The following MCF2L variants were observed in gnomAD, a reference collection of about 807,000 sequenced individuals.
The protein encoded by MCF2L is MCF.2 cell line derived transforming sequence like, also known as guanine nucleotide exchange factor DBS.
A neutral mutation model predicts 153.4 loss-of-function variants in MCF2L; 97 were observed. The observed-to-expected ratio is 0.63, with a 90% CI of 0.54 to 0.75. The LOEUF (loss-of-function observed/expected upper bound fraction) is 0.75. Ranked by LOEUF, MCF2L falls within the 30% of genes least tolerant of loss-of-function variation. MCF2L has a pLI of 0.00. For synonymous variants in MCF2L, 659 were observed against 632.2 expected, an observed-to-expected ratio of 1.04 and a Z score of -0.64; for missense variants, 1,347 against 1,495.2, an observed-to-expected ratio of 0.90 and a Z score of 1.64.
intron 9 of MCF2L, among the ~76,000 whole-genome samples, chr13:113,073,831 C>G (rs987106333): frequency 6.6e-6 from 1 of 152,028 alleles, no homozygotes; most frequent in Non-Finnish European, 1.5e-5. Flanking sequence ...AGGAAAATCA[C>G]TTGAACCAGA....
At chr13:113,065,986 C>T in intron 7 of MCF2L, 60 bp from the exon 8 acceptor site, 2 of 1,566,538 alleles carry the variant, frequency 1.3e-6, no homozygotes, top group Admixed American at 1.8e-5. Context: ...GAGGCCTCAC[C>T]ACCAGCCTGC....
intron 21 of MCF2L, 70 bp downstream of exon 21, chr13:113,086,319 C>T: frequency 1.3e-6 from 2 of 1,583,710 alleles, no homozygotes; most frequent in East Asian, 2.3e-5. Flanking sequence ...ACTTGGCGGC[C>T]TCCCTGCACA....
At chr13:113,037,578 A>G (rs372593107) in intron 3 of MCF2L, among the ~76,000 whole-genome samples, 2 of 152,222 alleles carry the variant, frequency 1.3e-5, no homozygotes, top group Non-Finnish European at 2.9e-5. Flanking sequence ...GCTCTAATAG[A>G]GTATCTTGTA....
At chr13:112,947,553 A>G (rs1323877779) in intron 2 of MCF2L, among the ~76,000 whole-genome samples, 1 of 152,238 alleles carries the variant, frequency 6.6e-6, no homozygotes, top group Non-Finnish European at 1.5e-5. Flanking sequence ...AAAAATAGGC[A>G]AGAGGGAGTA....
At chr13:112,977,995 A>G (rs2082271748) in intron 1 of MCF2L, among the ~76,000 whole-genome samples, 1 of 152,168 alleles carries the variant, frequency 6.6e-6, no homozygotes, top group Non-Finnish European at 1.5e-5. Context: ...AATTGCCTGA[A>G]CCCAGGAGGT....
At chr13:113,059,351 A>T (rs933123225) in intron 4 of MCF2L, among the ~76,000 whole-genome samples, 1 of 152,088 alleles carries the variant, frequency 6.6e-6, no homozygotes, top group Admixed American at 6.5e-5. Context: ...TGAACATTGG[A>T]GTGTGGCTGG....
At chr13:113,059,891 G>C (rs925846974) in intron 4 of MCF2L, among the ~76,000 whole-genome samples, 1 of 152,262 alleles carries the variant, frequency 6.6e-6, no homozygotes, top group African/African-American at 2.4e-5. Flanking sequence ...ACACACATGT[G>C]TCTATGTTGC....
intron 3 of MCF2L, among the ~76,000 whole-genome samples, chr13:113,029,617 G>A (rs2085519457): frequency 6.6e-6 from 1 of 152,208 alleles, no homozygotes; most frequent in Non-Finnish European, 1.5e-5. Context: ...GTGTCCCCGG[G>A]AAGTACCCTC....
At chr13:112,958,905 C>G (rs559187408) in intron 2 of MCF2L, among the ~76,000 whole-genome samples, 65 of 152,258 alleles carry the variant, frequency 4.3e-4, no homozygotes, top group African/African-American at 1.5e-3. Flanking sequence ...GCCGTGAACA[C>G]AGAAGCTGCC....
At chr13:112,956,070 G>A (rs2081753364) in intron 2 of MCF2L, 2 of 152,242 alleles carry the variant, frequency 1.3e-5, no homozygotes, top group African/African-American at 4.8e-5. Context: ...GAGCCAAAAT[G>A]GCAAACTGTG....
At position 113,071,769 on chromosome 13, in the gene MCF2L, A is replaced by G. The variant is rs1195259552; in HGVS notation, c.996+1596A>G. 2.0e-5 allele frequency among the ~76,000 whole-genome samples: 3 copies of G among 152,218 alleles called. No homozygotes were observed. In the East Asian group the frequency reaches 5.8e-4, roughly 29 times the overall value. ...TGTACCACAAGGTCTTAATTGCTGC[A>G]ACTATATAATGTCTTGAAATCAAGT... On this transcript the variant is annotated intron_variant, in intron 9 of 29. Coordinates refer to ENST00000535094, the MANE Select transcript of MCF2L (RefSeq NM_001112732.3).
Position 112,969,331 on chromosome 13 carries a change from C to T in MCF2L, c.-49C>T, listed in dbSNP as rs949839828. On this transcript the variant is annotated 5_prime_UTR_variant, in exon 1 of 30. Transcript: ENST00000535094. This position sits in a 1 kb window ranked among gnomAD's most constrained non-coding sequence, Gnocchi z 4.8. ...GCACGGCCCCACCCGCAGGCGCCCC[C>T]CGTGCGGAGGAAGCGGATCTGCCAG... 26 of 1,547,100 alleles carry T rather than the reference C, an allele frequency of 1.7e-5. No homozygotes were observed. Among genetic ancestry groups the T allele is most frequent in the Middle Eastern group, 3.4e-4 (2 of 5,938 alleles).
chr13:112,946,101 A>T (rs2081634669), intron 2 of MCF2L, among the ~76,000 whole-genome samples: 1 of 152,190 alleles, frequency 6.6e-6, no homozygotes, highest in Non-Finnish European at 1.5e-5. Context: ...TTGAAATTCT[A>T]GAGCTTTTGA....
chr13:113,032,121 C>T (rs1282169050), intron 3 of MCF2L, among the ~76,000 whole-genome samples: 1 of 152,118 alleles, frequency 6.6e-6, no homozygotes, highest in African/African-American at 2.4e-5. Context: ...GGAGAGTCCT[C>T]CTATCTCACT....
At chr13:113,020,312 G>A (rs1217434472) in intron 2 of MCF2L, among the ~76,000 whole-genome samples, 6 of 152,198 alleles carry the variant, frequency 3.9e-5, no homozygotes, top group Admixed American at 1.3e-4. Context: ...GATGCATCAC[G>A]TCCGTGGAGA....
intron 1 of MCF2L, among the ~76,000 whole-genome samples, chr13:112,998,457 C>T (rs1343387781): frequency 1.3e-5 from 2 of 152,112 alleles, no homozygotes; most frequent in Non-Finnish European, 2.9e-5. Flanking sequence ...GGAGGCCTCA[C>T]CAAGGAGGCT....
At chr13:112,953,994 C>T (rs1231471382) in intron 2 of MCF2L, among the ~76,000 whole-genome samples, 1 of 152,220 alleles carries the variant, frequency 6.6e-6, no homozygotes. Context: ...GCTCTGAGAA[C>T]GCTGTGGCAT....
chr13:113,078,706 G>GGGA lies in MCF2L; in HGVS notation c.1785_1787dup (p.Glu596dup), dbSNP rs759372201. 3 of 1,609,340 alleles carry GGGA rather than the reference G, an allele frequency of 1.9e-6. No individual in the cohort carries two copies. Among genetic ancestry groups the GGGA allele is most frequent in the Non-Finnish European group, 2.5e-6 (3 of 1,179,480 alleles). ...AGCCGGCAGGGCCGCGGCTCAGCGG[G>GGGA]GGAGGAGGAGGAAAGCCTGGCCATC... On this transcript the variant is annotated inframe_insertion, in exon 15 of 30. Transcript: ENST00000535094.
chr13:112,926,304 A>G (rs769936262), intron 2 of MCF2L, among the ~76,000 whole-genome samples: 5 of 104,704 alleles, frequency 4.8e-5, no homozygotes, highest in Non-Finnish European at 5.8e-5. Flanking sequence ...GGCCTGGTCT[A>G]CGTACACAGC....
Sources: gnomAD v4.1 joint callset for allele counts (sites outside exome capture counted in the v4.1 genomes callset) on GRCh38, gnomAD v4.1.1 for gene constraint, Gnocchi (gnomAD v3.1) non-coding constraint, MANE v1.5 for transcripts, NCBI Gene and HGNC (gene_info 2026-07-23, HGNC 2026-07-21) for gene names.